Variants in LHFPL3 observed in about 807,000 individuals in gnomAD.
The protein encoded by LHFPL3 is LHFPL tetraspan subfamily member 3, also known as LHFPL tetraspan subfamily member 3 protein.
In LHFPL3, 5 loss-of-function variants were observed where a neutral mutation model predicts 19.3. The ratio of observed to expected loss-of-function variants is 0.26; its 90% CI spans 0.14 to 0.54. The LOEUF (loss-of-function observed/expected upper bound fraction) is 0.54. Among genes scored for constraint, LHFPL3 ranks in the 20% least tolerant of loss-of-function variants. LHFPL3 has a pLI of 0.94. For synonymous variants in LHFPL3, 133 were observed against 126.2 expected, an observed-to-expected ratio of 1.05 and a Z score of -0.36; for missense variants, 249 against 307.4, an observed-to-expected ratio of 0.81 and a Z score of 1.42.
intron 1 of LHFPL3, among the ~76,000 whole-genome samples, chr7:104,420,582 C>T (rs1486923191): frequency 2.5e-4 from 22 of 87,582 alleles, no homozygotes; most frequent in South Asian, 1.5e-3. Context: ...TTTTTTGAGA[C>T]GGAGTCTCGC....
intron 1 of LHFPL3, among the ~76,000 whole-genome samples, chr7:104,619,555 T>C (rs1240879307): frequency 6.6e-6 from 1 of 152,230 alleles, no homozygotes; most frequent in Non-Finnish European, 1.5e-5. Context: ...TTAGTCTAGT[T>C]AGTAGAACCC....
rs1792624853 is a variant in LHFPL3 at position 104,906,831 on chromosome 7, AC to A, written c.*617del. 6.5e-6 allele frequency: 1 copy of A among 152,722 alleles called. No homozygotes were observed. Among genetic ancestry groups the A allele is most frequent in the South Asian group, 2.1e-4 (1 of 4,836 alleles). The allele number at this position is 152,722 out of a possible 1,614,324, so 9.5% of individuals were successfully genotyped here. A position where few individuals can be genotyped will look rare whatever the true frequency, so the allele number is the denominator to read the frequency against. ...GTTATTAAGAGACGTAACGCTTCAA[AC>A]TTTTTACCAAGTCTGTGTTCTGTTT... On this transcript the variant is annotated 3_prime_UTR_variant, in exon 3 of 3. Coordinates refer to ENST00000424859, the MANE Select transcript of LHFPL3 (RefSeq NM_199000.3).
In LHFPL3 at chr7:104,602,020, CTTTT is replaced by C. The variant is rs57501560; in HGVS notation, c.446-134638_446-134635del. Among the ~76,000 whole-genome samples, 19 of 91,462 alleles carry C rather than the reference CTTTT, an allele frequency of 2.1e-4. No individual in the cohort carries two copies. The East Asian group carries it at 3.6e-3, about 17-fold the overall frequency. 60.0% of individuals were successfully genotyped at this position (91,462 alleles called of 152,430 possible). ...TAGCAATTTATTTTCTTTTTCTTTT[CTTTT>C]TTTTTTTTTTTTTTTTCTGACAGCC... On this transcript the variant is annotated intron_variant, in intron 1 of 2. Transcript: ENST00000424859.
chr7:104,703,186 G>C (rs567402231), intron 1 of LHFPL3, among the ~76,000 whole-genome samples: 1 of 152,150 alleles, frequency 6.6e-6, no homozygotes, highest in South Asian at 2.1e-4. Flanking sequence ...AATTTATTTA[G>C]GCTTTTTATC....
chr7:104,514,703 C>T (rs2115783166), intron 1 of LHFPL3, among the ~76,000 whole-genome samples: 1 of 152,270 alleles, frequency 6.6e-6, no homozygotes, highest in Non-Finnish European at 1.5e-5. Flanking sequence ...ATTAGAGCTG[C>T]TTGGGAAACT....
At chr7:104,331,715 T>A (rs1194991450) in intron 1 of LHFPL3, among the ~76,000 whole-genome samples, 2 of 152,064 alleles carry the variant, frequency 1.3e-5, no homozygotes, top group Non-Finnish European at 2.9e-5. Flanking sequence ...TTTGGGAGGC[T>A]GAGGTAGGTG....
At chr7:104,338,833 G>T (rs776368183) in intron 1 of LHFPL3, among the ~76,000 whole-genome samples, 14 of 152,182 alleles carry the variant, frequency 9.2e-5, no homozygotes, top group Non-Finnish European at 1.6e-4. Context: ...AAACAATATA[G>T]CTTAAAAACC....
chr7:104,555,339 A>G (rs1794743585), intron 1 of LHFPL3, among the ~76,000 whole-genome samples: 1 of 152,208 alleles, frequency 6.6e-6, no homozygotes, highest in African/African-American at 2.4e-5. Flanking sequence ...ATAAAGACAA[A>G]TCTAAGACTG....
At chr7:104,621,125 A>C (rs1562951980) in intron 1 of LHFPL3, among the ~76,000 whole-genome samples, 1 of 152,172 alleles carries the variant, frequency 6.6e-6, no homozygotes, top group East Asian at 1.9e-4. Flanking sequence ...ACCCATCCCC[A>C]GATCTCCCAC....
At chr7:104,722,910 A>G (rs1490802547) in intron 1 of LHFPL3, among the ~76,000 whole-genome samples, 1 of 152,106 alleles carries the variant, frequency 6.6e-6, no homozygotes, top group Admixed American at 6.6e-5. Context: ...ATGAATTTAG[A>G]CTTTCTCCTT....
intron 1 of LHFPL3, among the ~76,000 whole-genome samples, chr7:104,431,078 C>T (rs1001389904): frequency 6.6e-6 from 1 of 152,174 alleles, no homozygotes; most frequent in Non-Finnish European, 1.5e-5. Context: ...CTTTCCACAA[C>T]TCCAATACTT....
chr7:104,329,479 C>A (rs1181702693), intron 1 of LHFPL3, among the ~76,000 whole-genome samples: 1 of 152,234 alleles, frequency 6.6e-6, no homozygotes, highest in East Asian at 1.9e-4. Context: ...AGAGGGACGC[C>A]CCGGAGGCAG....
intron 1 of LHFPL3, among the ~76,000 whole-genome samples, chr7:104,451,939 T>C (rs1792447387): frequency 6.6e-6 from 1 of 151,992 alleles, no homozygotes; most frequent in Non-Finnish European, 1.5e-5. Context: ...AGAGACGGGG[T>C]TTCGCCATGT....
chr7:104,579,864 A>G (rs971186168), intron 1 of LHFPL3, among the ~76,000 whole-genome samples: 17 of 152,176 alleles, frequency 1.1e-4, no homozygotes, highest in Admixed American at 1.0e-3. Flanking sequence ...AGCTGACTGC[A>G]TATCTAAACC....
At chr7:104,766,891 A>T (rs1009098611) in intron 2 of LHFPL3, among the ~76,000 whole-genome samples, 4 of 152,234 alleles carry the variant, frequency 2.6e-5, no homozygotes, top group African/African-American at 9.6e-5. Flanking sequence ...AACCCAAAAC[A>T]GCTTAGCCTT....
At chr7:104,569,358 T>G (rs1202170874) in intron 1 of LHFPL3, among the ~76,000 whole-genome samples, 1 of 152,198 alleles carries the variant, frequency 6.6e-6, no homozygotes, top group Non-Finnish European at 1.5e-5. Flanking sequence ...TAAATATATT[T>G]AAATGAATGA....
intron 1 of LHFPL3, among the ~76,000 whole-genome samples, chr7:104,417,884 CTTTT>C (rs762794916): frequency 1.7e-5 from 2 of 117,756 alleles, no homozygotes; most frequent in South Asian, 2.7e-4. Context: ...TCTTCTTCTT[CTTTT>C]TTTTTTTTTT....
At chr7:104,829,375 AAT>A (rs1790891328) in intron 2 of LHFPL3, among the ~76,000 whole-genome samples, 1 of 151,760 alleles carries the variant, frequency 6.6e-6, no homozygotes, top group Non-Finnish European at 1.5e-5. Flanking sequence ...ACATGTGCAC[AAT>A]GTGCAAATTA....
chr7:104,867,084 G>C (rs1791739078), intron 2 of LHFPL3, among the ~76,000 whole-genome samples: 1 of 152,218 alleles, frequency 6.6e-6, no homozygotes, highest in Non-Finnish European at 1.5e-5. Flanking sequence ...GCAGTGTGTA[G>C]AGGGAAATTT....
Sources: gnomAD v4.1 joint callset for allele counts (sites outside exome capture counted in the v4.1 genomes callset) on GRCh38, gnomAD v4.1.1 for gene constraint, MANE v1.5 for transcripts, NCBI Gene and HGNC (gene_info 2026-07-23, HGNC 2026-07-21) for gene names.